OSBPL10: variants seen among roughly 807,000 people sequenced by gnomAD.
OSBPL10 encodes oxysterol-binding protein-related protein 10.
In OSBPL10, 49 loss-of-function variants were observed where a neutral mutation model predicts 81.7. The ratio of observed to expected loss-of-function variants is 0.60; its 90% CI spans 0.48 to 0.76. The LOEUF (loss-of-function observed/expected upper bound fraction) is 0.76. Among genes scored for constraint, OSBPL10 ranks in the 30% least tolerant of loss-of-function variants. The pLI is 0.00. For synonymous variants in OSBPL10, 419 were observed against 383.6 expected (o/e 1.09, Z -1.08); for missense variants, 923 against 987.8 (o/e 0.93, Z 0.88).
intron 7 of OSBPL10, among the ~76,000 whole-genome samples, chr3:31,698,208 G>A (rs1211747171): frequency 1.3e-5 from 2 of 152,006 alleles, no homozygotes; most frequent in African/African-American, 4.8e-5. Flanking sequence ...CCAGCACTTT[G>A]GGAGGCCAAG....
intron 6 of OSBPL10, among the ~76,000 whole-genome samples, chr3:31,729,217 C>T (rs1027643332): frequency 3.9e-5 from 6 of 152,228 alleles, no homozygotes; most frequent in African/African-American, 1.4e-4. Flanking sequence ...TACATGGTCA[C>T]GTGTGAGCTC....
chr3:31,874,998 C>A (rs751338516), intron 3 of OSBPL10, among the ~76,000 whole-genome samples: 5 of 150,418 alleles, frequency 3.3e-5, no homozygotes, highest in African/African-American at 7.3e-5. Context: ...GACATCCATT[C>A]CCAAAAACAC....
At chr3:31,876,541 G>T (rs781026145) in intron 2 of OSBPL10, 29 bp from the exon 3 acceptor site, 2 of 1,565,104 alleles carry the variant, frequency 1.3e-6, no homozygotes, top group Admixed American at 1.7e-5. Flanking sequence ...AGAAAGAAAT[G>T]ATTGCAGAGA....
intron 1 of OSBPL10, among the ~76,000 whole-genome samples, chr3:32,051,881 A>G (rs1699672392): frequency 6.6e-6 from 1 of 152,234 alleles, no homozygotes. Flanking sequence ...ATGTTTTGTC[A>G]GAAAAATAAA....
chr3:31,922,270 G>GA lies in OSBPL10; in HGVS notation c.282-42441dup, dbSNP rs572548775. On this transcript the variant is annotated intron_variant, in intron 1 of 11. Transcript: ENST00000396556. The stretch of plus-strand genomic sequence containing the variant: ...ATAAACGTAAAATGTTAATAATAGA[G>GA]AAACTGTGGGAGTTGGGGGGAGTAT... Among the ~76,000 whole-genome samples the GA allele has an allele frequency of 9.3e-4, 142 of 152,352 alleles. 1 individual carries two copies. Among genetic ancestry groups the GA allele is most frequent in the African/African-American group, 3.3e-3 (137 of 41,576 alleles).
At chr3:31,897,360 G>T (rs966536375) in intron 1 of OSBPL10, among the ~76,000 whole-genome samples, 3 of 152,120 alleles carry the variant, frequency 2.0e-5, no homozygotes, top group African/African-American at 7.2e-5. Context: ...TCTCTCAGAA[G>T]GCATCAGGAC....
rs374021240 is a variant in OSBPL10, at chr3:31,672,359, GGC to G, written c.1727-1378_1727-1377del. On this transcript the variant is annotated intron_variant, in intron 8 of 11. Coordinates refer to ENST00000396556, the MANE Select transcript of OSBPL10 (RefSeq NM_017784.5). ...ATCACTTAGAGCTAGAATTTGCGGG[GGC>G]GGGGGGGGGGGCAGGAGGGAGGGAG... Among the ~76,000 whole-genome samples, 1,472 of 97,066 alleles carry G rather than the reference GGC, an allele frequency of 0.015. 178 individuals are homozygous for G. In the East Asian group the frequency reaches 0.36, roughly 24 times the overall value. The allele number at this position is 97,066 out of a possible 152,430, so 63.7% of individuals were successfully genotyped here. A position where few individuals can be genotyped will look rare whatever the true frequency, so the allele number is the denominator to read the frequency against.
chr3:31,696,179 C>CA (rs137948124), intron 7 of OSBPL10, among the ~76,000 whole-genome samples: 5,458 of 152,212 alleles, frequency 0.036, 330 homozygotes, highest in African/African-American at 0.12. Flanking sequence ...GCAATGGATG[C>CA]ATTATGCTAT....
chr3:31,780,690 C>A (rs140717548), intron 4 of OSBPL10, among the ~76,000 whole-genome samples: 8 of 152,172 alleles, frequency 5.3e-5, no homozygotes, highest in African/African-American at 1.9e-4. Context: ...CCTTTATGTG[C>A]ACAAACTAGA....
chr3:31,743,659 G>A (rs1000799112), intron 5 of OSBPL10, among the ~76,000 whole-genome samples: 26 of 140,054 alleles, frequency 1.9e-4, no homozygotes, highest in African/African-American at 6.1e-4. Flanking sequence ...AAAAGGGACA[G>A]AAGGAAAAAA....
At chr3:31,708,636 A>C (rs993568755) in intron 6 of OSBPL10, 180 of 827,918 alleles carry the variant, frequency 2.2e-4, no homozygotes, top group Non-Finnish European at 2.4e-4. Flanking sequence ...ACATGCTTGG[A>C]AAAAGTATCT....
chr3:31,716,360 T>C (rs1696433799), intron 6 of OSBPL10, among the ~76,000 whole-genome samples: 1 of 152,238 alleles, frequency 6.6e-6, no homozygotes. Context: ...ATAATGACAT[T>C]ATTGTACAAC....
intron 8 of OSBPL10, among the ~76,000 whole-genome samples, chr3:31,676,264 CTCTTT>C (rs10575749): frequency 0.48 from 73,292 of 151,232 alleles, 20,101 homozygotes; most frequent in African/African-American, 0.75. Flanking sequence ...TTAGTACATA[CTCTTT>C]TTTTTCAGGG....
At chr3:31,754,794 T>C (rs1318444865) in intron 4 of OSBPL10, among the ~76,000 whole-genome samples, 1 of 152,220 alleles carries the variant, frequency 6.6e-6, no homozygotes, top group Non-Finnish European at 1.5e-5. Flanking sequence ...CTAATATTTT[T>C]ATTCACTCTC....
chr3:31,790,616 T>C (rs1282010946), intron 4 of OSBPL10, among the ~76,000 whole-genome samples: 1 of 152,114 alleles, frequency 6.6e-6, no homozygotes, highest in African/African-American at 2.4e-5. Flanking sequence ...CAACTGCAGG[T>C]GGGGCTGCCA....
At chr3:31,965,714 TA>T (rs1698353426) in intron 1 of OSBPL10, among the ~76,000 whole-genome samples, 1 of 66,584 alleles carries the variant, frequency 1.5e-5, no homozygotes, top group Non-Finnish European at 2.4e-5. Flanking sequence ...TTATATAAAA[TA>T]TATAATATAA....
At chr3:31,849,113 T>C (rs1700700912) in intron 3 of OSBPL10, among the ~76,000 whole-genome samples, 2 of 152,224 alleles carry the variant, frequency 1.3e-5, no homozygotes, top group African/African-American at 4.8e-5. Flanking sequence ...TTTGAAATTC[T>C]GCCAAGTCAC....
intron 10 of OSBPL10, among the ~76,000 whole-genome samples, chr3:31,667,715 C>G (rs1243846232): frequency 6.6e-6 from 1 of 152,230 alleles, no homozygotes; most frequent in African/African-American, 2.4e-5. Context: ...TTGCAACTAC[C>G]TAACTCAGCC....
At chr3:31,952,177 A>C (rs903164456) in intron 1 of OSBPL10, among the ~76,000 whole-genome samples, 1 of 151,680 alleles carries the variant, frequency 6.6e-6, no homozygotes, top group Admixed American at 6.5e-5. Flanking sequence ...TGCAAATGCA[A>C]ATAAAGAATC....
Sources: allele counts gnomAD v4.1 joint callset (sites outside exome capture counted in the v4.1 genomes callset), GRCh38; gene constraint gnomAD v4.1.1; transcripts MANE v1.5; gene names NCBI Gene and HGNC (gene_info 2026-07-23, HGNC 2026-07-21).